Variants in CLRN3 observed in about 807,000 individuals in gnomAD.
CLRN3 encodes the protein clarin 3, also known as clarin-3.
CLRN3 carries 12 observed loss-of-function variants against 16.7 expected under a neutral mutation model. That is an observed-to-expected ratio of 0.72 (90% CI 0.46 to 1.16). The LOEUF (loss-of-function observed/expected upper bound fraction) is 1.16, where lower values mean the gene tolerates loss of function less well. Ranked by LOEUF, CLRN3 falls within the 50% of genes most tolerant of loss-of-function variation. The probability of loss-of-function intolerance (pLI) is 0.00; values close to 1 mark genes in which losing one functional copy is unlikely to be tolerated. For missense variants in CLRN3, 296 were observed against 274.2 expected, an observed-to-expected ratio of 1.08 and a Z score of -0.56; for synonymous variants, 118 against 113.0, an observed-to-expected ratio of 1.04 and a Z score of -0.28.
intron 1 of CLRN3, among the ~76,000 whole-genome samples, chr10:127,885,600 AG>A (rs1160481734): frequency 1.3e-5 from 2 of 152,104 alleles, no homozygotes; most frequent in African/African-American, 4.8e-5. Context: ...TTTTGGAGAC[AG>A]GGTCTTGCTC....
chr10:127,889,936 C>T (rs1156249035), intron 1 of CLRN3, among the ~76,000 whole-genome samples: 6 of 152,208 alleles, frequency 3.9e-5, no homozygotes, highest in African/African-American at 1.4e-4. Context: ...GAGCTTACAC[C>T]TCCTAGCAGC....
chr10:127,887,364 G>T (rs1845208422), intron 1 of CLRN3, among the ~76,000 whole-genome samples: 1 of 151,914 alleles, frequency 6.6e-6, no homozygotes, highest in South Asian at 2.1e-4. Flanking sequence ...TGTGTCCAAG[G>T]CCCCTGAAGT....
At chr10:127,881,949 C>A (rs535861210) in intron 2 of CLRN3, among the ~76,000 whole-genome samples, 23 of 152,290 alleles carry the variant, frequency 1.5e-4, no homozygotes, top group East Asian at 7.7e-4. Context: ...CACTGCTTCT[C>A]GTACTTTCTT....
intron 2 of CLRN3, 51 bp downstream of exon 2, chr10:127,883,645 C>A: frequency 7.7e-7 from 1 of 1,297,076 alleles, no homozygotes; most frequent in Non-Finnish European, 1.1e-6. Flanking sequence ...GACATGGGGA[C>A]AAGCGGGATG....
At chr10:127,879,737 G>T (rs139508868) in intron 2 of CLRN3, among the ~76,000 whole-genome samples, 2 of 152,302 alleles carry the variant, frequency 1.3e-5, no homozygotes, top group East Asian at 1.9e-4. Context: ...CCATGGAATT[G>T]TATACTTTAA....
intron 2 of CLRN3, among the ~76,000 whole-genome samples, chr10:127,883,012 A>C (rs12259559): frequency 0.05 from 7,689 of 152,280 alleles, 382 homozygotes; most frequent in East Asian, 0.23. Flanking sequence ...CTGTGAGTCA[A>C]AGCTGGGACC....
chr10:127,879,415 G>C (rs909976336), intron 2 of CLRN3, among the ~76,000 whole-genome samples: 2 of 152,172 alleles, frequency 1.3e-5, no homozygotes, highest in African/African-American at 4.8e-5. Context: ...CTTCAGTATA[G>C]ACTTGGGAGA....
rs115349658 is a variant in CLRN3 at position 127,892,329 on chromosome 10, C to T, written c.229+227G>A. Among the ~76,000 whole-genome samples, 256 of 152,222 alleles carry T rather than the reference C, an allele frequency of 1.7e-3. 1 individual carries two copies. Among genetic ancestry groups the T allele is most frequent in the African/African-American group, 5.8e-3 (243 of 41,540 alleles). On this transcript the variant is annotated intron_variant, in intron 1 of 2. Coordinates refer to ENST00000368671, the MANE Select transcript of CLRN3 (RefSeq NM_152311.5). ...CTTGGTAGGTATTATTTAAATACAGCCACTGCTAGAATGATATAGACTATT... is the reference window on the plus strand; with the variant it reads ...CTTGGTAGGTATTATTTAAATACAGTCACTGCTAGAATGATATAGACTATT...
At position 127,878,175 on chromosome 10, in the gene CLRN3, C is replaced by A; in HGVS notation, c.655G>T (p.Ala219Ser). 1 of 1,613,664 alleles carries A rather than the reference C, an allele frequency of 6.2e-7. No homozygotes were observed. Among genetic ancestry groups the A allele is most frequent in the East Asian group, 2.2e-5 (1 of 44,874 alleles). ...CAGAATAAAATTCCGTCCCTTGGAG[C>A]ATATTCCATTGGCTTTCTCTGCTCC... ...KQEQRKPMEY[A>S]PRDGILF is the part of the protein sequence containing the mutation. Residue 219 changes from alanine (A) to serine (S), a missense_variant, in exon 3 of 3, where the codon GCT (alanine) becomes TCT (serine). Transcript: ENST00000368671.
intron 1 of CLRN3, among the ~76,000 whole-genome samples, chr10:127,888,316 G>C (rs1845220939): frequency 1.3e-5 from 2 of 152,146 alleles, no homozygotes; most frequent in African/African-American, 4.8e-5. Flanking sequence ...GGGTTCCTTA[G>C]GGAGAAGTGG....
intron 1 of CLRN3, 116 bp downstream of exon 1, chr10:127,892,440 G>A (rs1845267447): frequency 2.9e-6 from 2 of 678,526 alleles, no homozygotes; most frequent in Non-Finnish European, 5.1e-6. Context: ...TGTACCTTCA[G>A]CCTAACCCAA....
At chr10:127,879,734 A>T (rs779201778) in intron 2 of CLRN3, among the ~76,000 whole-genome samples, 4 of 152,182 alleles carry the variant, frequency 2.6e-5, no homozygotes, top group Non-Finnish European at 4.4e-5. Context: ...AAACCATGGA[A>T]TTGTATACTT....
chr10:127,883,632 A>G lies in CLRN3; in HGVS notation c.409+64T>C, dbSNP rs887794152. On this transcript the variant is annotated intron_variant, in intron 2 of 2. Transcript: ENST00000368671. ...GTATGTTCATGCATGTGTGAGAGGCAGAGACATGGGGACAAGCGGGATGCA... is the reference window on the plus strand; with the variant it reads ...GTATGTTCATGCATGTGTGAGAGGCGGAGACATGGGGACAAGCGGGATGCA... The G allele has an allele frequency of 7.8e-6, 9 of 1,157,218 alleles. No homozygotes were observed. In the African/African-American group the frequency reaches 1.4e-4, roughly 17 times the overall value. 71.7% of individuals were successfully genotyped at this position (1,157,218 alleles called of 1,614,324 possible).
intron 1 of CLRN3, among the ~76,000 whole-genome samples, chr10:127,890,778 G>A (rs1320413601): frequency 6.6e-6 from 1 of 151,672 alleles, no homozygotes; most frequent in Non-Finnish European, 1.5e-5. Flanking sequence ...TCCCGGGATC[G>A]TTAGCAGCTG....
chr10:127,883,943 C>T (rs1175171459), intron 1 of CLRN3, 68 bp from the exon 2 acceptor site: 2 of 1,424,320 alleles, frequency 1.4e-6, no homozygotes, highest in Admixed American at 3.4e-5. Flanking sequence ...CATTCCTCCC[C>T]ACCCTACCCT....
chr10:127,886,550 G>T (rs1419629180), intron 1 of CLRN3, among the ~76,000 whole-genome samples: 1 of 152,216 alleles, frequency 6.6e-6, no homozygotes, highest in Admixed American at 6.5e-5. Flanking sequence ...GGCTGCAAGG[G>T]AGAGTGAGAA....
At chr10:127,883,486 T>C (rs1845154207) in intron 2 of CLRN3, among the ~76,000 whole-genome samples, 1 of 152,200 alleles carries the variant, frequency 6.6e-6, no homozygotes, top group African/African-American at 2.4e-5. Context: ...TCCTCAGCAG[T>C]GCATTTAAAA....
At chr10:127,879,811 G>A (rs1353061435) in intron 2 of CLRN3, among the ~76,000 whole-genome samples, 1 of 152,192 alleles carries the variant, frequency 6.6e-6, no homozygotes, top group Non-Finnish European at 1.5e-5. Flanking sequence ...GGTTTTGGAG[G>A]ATAAGGATGC....
chr10:127,882,495 G>C (rs952201880), intron 2 of CLRN3, among the ~76,000 whole-genome samples: 6 of 152,226 alleles, frequency 3.9e-5, no homozygotes, highest in Non-Finnish European at 7.3e-5. Context: ...TGGCCATGTG[G>C]CTGTGTTTAC....
Sources: allele counts gnomAD v4.1 joint callset (sites outside exome capture counted in the v4.1 genomes callset), GRCh38; gene constraint gnomAD v4.1.1; transcripts MANE v1.5; gene names NCBI Gene and HGNC (gene_info 2026-07-23, HGNC 2026-07-21).